The following RHOA variants were observed in gnomAD, a reference collection of about 807,000 sequenced individuals.
RHOA encodes the protein transforming protein RhoA.
Under a neutral mutation model 17.5 loss-of-function variants are expected in RHOA, and 3 were observed. That is an observed-to-expected ratio of 0.17 (90% CI 0.08 to 0.44). RHOA has a LOEUF of 0.44. Among genes scored for constraint, RHOA ranks in the 20% least tolerant of loss-of-function variants. The probability of loss-of-function intolerance (pLI) is 0.99; values close to 1 mark genes in which losing one functional copy is unlikely to be tolerated. For synonymous variants in RHOA, 98 were observed against 88.4 expected (o/e 1.11, Z -0.61); for missense variants, 56 against 242.3 (o/e 0.23, Z 5.10).
chr3:49,374,415 TAAACTTGAAAA>T (rs1486580718), intron 2 of RHOA, among the ~76,000 whole-genome samples: 3 of 151,928 alleles, frequency 2.0e-5, no homozygotes, highest in Non-Finnish European at 4.4e-5. Context: ...CAAATATACG[TAAACTTGAAAA>T]GAGCACATAT....
At chr3:49,409,591 C>G (rs1034959327) in intron 1 of RHOA, among the ~76,000 whole-genome samples, 1 of 152,096 alleles carries the variant, frequency 6.6e-6, no homozygotes, top group Non-Finnish European at 1.5e-5. Flanking sequence ...TATCTCTCAG[C>G]TCTCTAAGAC....
chr3:49,397,035 T>A (rs1468927516), intron 1 of RHOA, among the ~76,000 whole-genome samples: 4 of 147,760 alleles, frequency 2.7e-5, no homozygotes, highest in Non-Finnish European at 5.9e-5. Flanking sequence ...CAGGCTGAGG[T>A]GGCAGGATCG....
At chr3:49,407,232 G>GTTTT (rs61556875) in intron 1 of RHOA, among the ~76,000 whole-genome samples, 31 of 70,056 alleles carry the variant, frequency 4.4e-4, no homozygotes, top group Non-Finnish European at 6.9e-4. Flanking sequence ...AATCCTTTCC[G>GTTTT]TTTTTTTTTT....
At chr3:49,384,457 T>C (rs2048365695) in intron 1 of RHOA, among the ~76,000 whole-genome samples, 1 of 152,146 alleles carries the variant, frequency 6.6e-6, no homozygotes, top group Admixed American at 6.6e-5. Context: ...GTCAGTTATA[T>C]CTAATTAAGT....
At chr3:49,385,580 A>C (rs1222007297) in intron 1 of RHOA, among the ~76,000 whole-genome samples, 1 of 152,062 alleles carries the variant, frequency 6.6e-6, no homozygotes, top group African/African-American at 2.4e-5. Flanking sequence ...TTGGGGCACA[A>C]CGTTTTTTAT....
At chr3:49,394,708 ATC>A in intron 1 of RHOA, among the ~76,000 whole-genome samples, 1 of 152,274 alleles carries the variant, frequency 6.6e-6, no homozygotes, top group East Asian at 1.9e-4. Flanking sequence ...ATACAGCTTT[ATC>A]TGGAAAACAC....
intron 1 of RHOA, among the ~76,000 whole-genome samples, chr3:49,410,646 C>T (rs1165755774): frequency 6.6e-6 from 1 of 152,214 alleles, no homozygotes; most frequent in African/African-American, 2.4e-5. Flanking sequence ...AATCTAGCCA[C>T]ATCTAAGGTG....
rs537194269 is a variant in RHOA at position 49,372,615 on chromosome 3, T to A, written c.156+2819A>T. Among the ~76,000 whole-genome samples, 10 of 151,094 alleles carry A rather than the reference T, an allele frequency of 6.6e-5. No individual in the cohort carries two copies. In the Admixed American group the frequency reaches 6.6e-4, roughly 10 times the overall value. ...CAGGCGTGGTGGCGGGCGCCTGTAG[T>A]CCCGGCTACTCCGGAGGATGAGGCA... On this transcript the variant is annotated intron_variant, in intron 2 of 4. Coordinates refer to ENST00000418115, the MANE Select transcript of RHOA (RefSeq NM_001664.4).
intron 4 of RHOA, among the ~76,000 whole-genome samples, chr3:49,360,625 G>GC (rs1271122032): frequency 6.6e-6 from 1 of 151,792 alleles, no homozygotes; most frequent in East Asian, 2.0e-4. Flanking sequence ...CCACCACCAC[G>GC]CCCAAGTAAT....
chr3:49,363,611 G>T (rs763332032), intron 3 of RHOA, among the ~76,000 whole-genome samples: 1 of 151,958 alleles, frequency 6.6e-6, no homozygotes, highest in Non-Finnish European at 1.5e-5. Context: ...CAGCACTTTG[G>T]GAGGCTTAGG....
intron 1 of RHOA, among the ~76,000 whole-genome samples, chr3:49,384,534 G>T (rs1267621658): frequency 1.3e-5 from 2 of 151,430 alleles, no homozygotes; most frequent in Admixed American, 6.6e-5. Context: ...TTTGAGACAG[G>T]GTCTCACTGT....
At chr3:49,410,840 G>A (rs1432598140) in intron 1 of RHOA, among the ~76,000 whole-genome samples, 1 of 152,116 alleles carries the variant, frequency 6.6e-6, no homozygotes, top group Non-Finnish European at 1.5e-5. Context: ...CTTCAAGACA[G>A]AACCAAACAA....
At chr3:49,400,463 C>CT (rs1559516899) in intron 1 of RHOA, among the ~76,000 whole-genome samples, 2 of 152,142 alleles carry the variant, frequency 1.3e-5, no homozygotes, top group Admixed American at 1.3e-4. Context: ...CCTGGCTACT[C>CT]TAAATTCTTC....
chr3:49,399,634 G>A (rs951182476), intron 1 of RHOA, among the ~76,000 whole-genome samples: 7 of 150,272 alleles, frequency 4.7e-5, no homozygotes, highest in African/African-American at 1.7e-4. Flanking sequence ...CTGCAGTGCT[G>A]GAGTGCAGTG....
intron 2 of RHOA, among the ~76,000 whole-genome samples, chr3:49,374,842 C>T (rs373821603): frequency 1.3e-5 from 2 of 151,704 alleles, no homozygotes; most frequent in Non-Finnish European, 2.9e-5. Flanking sequence ...CAATCACCTG[C>T]GGTCAGGAGT....
intron 2 of RHOA, among the ~76,000 whole-genome samples, chr3:49,372,917 G>T (rs1289191821): frequency 6.6e-6 from 1 of 152,036 alleles, no homozygotes; most frequent in African/African-American, 2.4e-5. Flanking sequence ...CTTACTGATG[G>T]TCAAACAACT....
chr3:49,389,047 G>A (rs997097526), intron 1 of RHOA, among the ~76,000 whole-genome samples: 2 of 152,070 alleles, frequency 1.3e-5, no homozygotes, highest in African/African-American at 4.8e-5. Flanking sequence ...AATCTACAGA[G>A]ACAGAAAGCA....
intron 1 of RHOA, among the ~76,000 whole-genome samples, chr3:49,379,886 T>C (rs2048289788): frequency 6.6e-6 from 1 of 152,176 alleles, no homozygotes; most frequent in Admixed American, 6.5e-5. Context: ...AATAAAGCTG[T>C]TACCACCACT....
At chr3:49,395,034 G>A (rs557379098) in intron 1 of RHOA, among the ~76,000 whole-genome samples, 6 of 151,976 alleles carry the variant, frequency 3.9e-5, no homozygotes, top group African/African-American at 1.4e-4. Flanking sequence ...CAGATCACGA[G>A]GTCAGGAGAT....
Sources: gnomAD v4.1 joint callset for allele counts (sites outside exome capture counted in the v4.1 genomes callset) on GRCh38, gnomAD v4.1.1 for gene constraint, MANE v1.5 for transcripts, NCBI Gene and HGNC (gene_info 2026-07-23, HGNC 2026-07-21) for gene names.